HMCN1: variants seen among roughly 807,000 people sequenced by gnomAD.
HMCN1 encodes the protein hemicentin 1.
In HMCN1, 321 loss-of-function variants were observed where a neutral mutation model predicts 625.9. That is an observed-to-expected ratio of 0.51 (90% confidence interval 0.47 to 0.56). HMCN1 has a LOEUF of 0.56. Ranked by LOEUF, HMCN1 falls within the 20% of genes least tolerant of loss-of-function variation. HMCN1 has a pLI of 0.00. For synonymous variants in HMCN1, 2,425 were observed against 2,417.6 expected (o/e 1.00, Z -0.09); for missense variants, 6,588 against 6,887.3 (o/e 0.96, Z 1.54).
At chr1:186,061,022 A>T (rs1657653693) in intron 46 of HMCN1, among the ~76,000 whole-genome samples, 1 of 151,884 alleles carries the variant, frequency 6.6e-6, no homozygotes, top group African/African-American at 2.4e-5. Context: ...ATCTGGCCAT[A>T]CTCCATCTAG....
At chr1:186,141,818 T>A (rs1162872315) in intron 89 of HMCN1, among the ~76,000 whole-genome samples, 1 of 152,204 alleles carries the variant, frequency 6.6e-6, no homozygotes, top group Non-Finnish European at 1.5e-5. Context: ...AAGTGACTTG[T>A]CAGGATTGCA....
Position 185,990,429 on chromosome 1 carries a change from A to G in HMCN1, c.3363A>G (p.Ser1121=), listed in dbSNP as rs771351174. The G allele has an allele frequency of 3.7e-6, 6 of 1,613,630 alleles. No homozygotes were observed. Among genetic ancestry groups the G allele is most frequent in the Non-Finnish European group, 5.1e-6 (6 of 1,179,748 alleles). The change falls in exon 22 of 107, where the codon TCA becomes TCG. Residue 1121 remains serine, a synonymous_variant. Coordinates refer to ENST00000271588, the MANE Select transcript of HMCN1 (RefSeq NM_031935.3). ...GGGCCAAAGAAACCCAGCTCATCTC[A>G]CCGTTCTCTCCAAGGTAGGAGATCT... ...ITWAKETQLI[S]PFSPRHTFLP... is the part of the protein sequence containing the mutation.
chr1:185,778,501 C>G (rs964179988), intron 1 of HMCN1, among the ~76,000 whole-genome samples: 2 of 129,794 alleles, frequency 1.5e-5, no homozygotes, highest in African/African-American at 5.7e-5. Context: ...CCCCCCGCCC[C>G]CACCCCACAA....
intron 47 of HMCN1, 67 bp downstream of exon 47, chr1:186,062,031 A>C (rs993128908): frequency 1.0e-6 from 1 of 977,552 alleles, no homozygotes; most frequent in African/African-American, 1.6e-5. Context: ...GCAGAGTTAA[A>C]ATTTATTTAC....
chr1:186,001,220 A>C, intron 26 of HMCN1, 78 bp from the exon 27 acceptor site: 3 of 1,242,630 alleles, frequency 2.4e-6, no homozygotes, highest in Non-Finnish European at 3.5e-6. Context: ...AATTTGCTGT[A>C]TAAAGGCCCT....
At chr1:185,979,693 C>T (rs1651481527) in intron 16 of HMCN1, among the ~76,000 whole-genome samples, 1 of 151,994 alleles carries the variant, frequency 6.6e-6, no homozygotes, top group Non-Finnish European at 1.5e-5. Flanking sequence ...TAGATGCTAC[C>T]TTAATTTACC....
At chr1:186,184,424 G>A (rs1196198420) in intron 105 of HMCN1, among the ~76,000 whole-genome samples, 2 of 152,034 alleles carry the variant, frequency 1.3e-5, no homozygotes, top group Admixed American at 1.3e-4. Context: ...CATTGAACAA[G>A]GACAGACACT....
At chr1:186,136,579 T>C in intron 86 of HMCN1, 89 bp from the exon 87 acceptor site, 1 of 1,244,494 alleles carries the variant, frequency 8.0e-7, no homozygotes, top group Non-Finnish European at 1.2e-6. Context: ...TCAATCACTT[T>C]TTTCAAAATA....
intron 11 of HMCN1, among the ~76,000 whole-genome samples, chr1:185,951,228 A>G (rs1211758675): frequency 6.6e-6 from 1 of 150,860 alleles, no homozygotes; most frequent in Non-Finnish European, 1.5e-5. Flanking sequence ...TAGTCCAGGA[A>G]TAGTCAGGGA....
intron 90 of HMCN1, 57 bp from the exon 91 acceptor site, chr1:186,144,476 T>C: frequency 6.2e-7 from 1 of 1,612,438 alleles, no homozygotes; most frequent in Non-Finnish European, 8.5e-7. Flanking sequence ...ATGCCCAGAG[T>C]GTAACACGAT....
intron 96 of HMCN1, 134 bp downstream of exon 96, chr1:186,153,005 C>G: frequency 8.3e-7 from 1 of 1,211,678 alleles, no homozygotes; most frequent in Non-Finnish European, 1.2e-6. Flanking sequence ...AAATAACTAT[C>G]TGATCTTTGT....
At chr1:186,024,622 G>GTAAACTACTTAATTT (rs1314071174) in intron 36 of HMCN1, among the ~76,000 whole-genome samples, 1 of 152,150 alleles carries the variant, frequency 6.6e-6, no homozygotes, top group African/African-American at 2.4e-5. Context: ...GTTACCTTGA[G>GTAAACTACTTAATTT]TAAACTACTT....
chr1:186,150,242 A>T (rs1403712412), intron 93 of HMCN1, among the ~76,000 whole-genome samples: 2 of 152,230 alleles, frequency 1.3e-5, no homozygotes, highest in Non-Finnish European at 2.9e-5. Context: ...AAAATGTATT[A>T]AAATACATCA....
At position 185,977,822 on chromosome 1, in the gene HMCN1, T is replaced by C; in HGVS notation, c.2407T>C (p.Ser803Pro). 1.9e-6 allele frequency: 3 copies of C among 1,613,224 alleles called. No individual in the cohort carries two copies. Among genetic ancestry groups the C allele is most frequent in the Non-Finnish European group, 2.5e-6 (3 of 1,179,394 alleles). ...PVFIQEPADV[S>P]MEIGSNVTLP... is the part of the protein sequence containing the mutation. Reference sequence around the variant, plus strand: ...TTTCATACAAGAACCTGCTGATGTGTCTATGGAAATTGGCTCAAATGTGAC... The same window carrying C: ...TTTCATACAAGAACCTGCTGATGTGCCTATGGAAATTGGCTCAAATGTGAC... The change falls in exon 16 of 107, where the codon TCT becomes CCT. Residue 803 changes from serine to proline, a missense_variant. Ser to Pro is a moderately conservative substitution (Grantham distance 74). Transcript: ENST00000271588.
intron 38 of HMCN1, among the ~76,000 whole-genome samples, chr1:186,039,388 G>C (rs1656055769): frequency 6.6e-6 from 1 of 151,808 alleles, no homozygotes; most frequent in Non-Finnish European, 1.5e-5. Flanking sequence ...GCAGTGAAGG[G>C]GGTACACACT....
At chr1:186,108,267 T>C (rs1372340750) in intron 70 of HMCN1, among the ~76,000 whole-genome samples, 194 bp from the exon 71 acceptor site, 2 of 152,148 alleles carry the variant, frequency 1.3e-5, no homozygotes, top group Non-Finnish European at 2.9e-5. Flanking sequence ...AGGATTTCTT[T>C]ACTTAGTGTA....
Position 185,933,693 on chromosome 1 carries a change from C to T in HMCN1, c.1697C>T (p.Ala566Val), listed in dbSNP as rs770438607. 16 of 1,613,832 alleles carry T rather than the reference C, an allele frequency of 9.9e-6. No homozygotes were observed. The highest frequency in any genetic ancestry group is 2.2e-5 in the South Asian group (2 of 91,072). The change falls in exon 11 of 107, where the codon GCG becomes GTG. Residue 566 changes from alanine to valine, a missense_variant. By Grantham distance (64) the Ala-to-Val change is moderately conservative. This residue lies in a region of HMCN1 where 4,628 missense variants were observed against 4,853.1 expected (regional missense o/e 0.95). Transcript: ENST00000271588. ...AGAGATGTCAGACTGGCAGAGCCAG[C>T]GAGAATTAGGACCTTGGCTAATCTG... The part of the protein sequence containing the change: ...NDRDVRLAEP[A>V]RIRTLANLSL...
intron 4 of HMCN1, among the ~76,000 whole-genome samples, chr1:185,877,865 T>C (rs1038369101): frequency 1.3e-5 from 2 of 152,094 alleles, no homozygotes; most frequent in African/African-American, 4.8e-5. Flanking sequence ...TGATAGTTTT[T>C]TTTCCTAATC....
intron 36 of HMCN1, among the ~76,000 whole-genome samples, chr1:186,027,451 A>AG (rs779252898): frequency 2.0e-5 from 3 of 152,214 alleles, no homozygotes; most frequent in African/African-American, 4.8e-5. Flanking sequence ...AAATTAACCA[A>AG]GGTGAAACAC....
Sources: allele counts gnomAD v4.1 joint callset (sites outside exome capture counted in the v4.1 genomes callset), GRCh38; gene constraint gnomAD v4.1.1; regional missense constraint gnomAD v4.1.1; transcripts MANE v1.5; gene names NCBI Gene and HGNC (gene_info 2026-07-23, HGNC 2026-07-21).